LRPPRC: variants seen among roughly 807,000 people sequenced by gnomAD.
LRPPRC encodes leucine rich pentatricopeptide repeat containing.
In LRPPRC, 120 loss-of-function variants were observed where a neutral mutation model predicts 180.3. The observed-to-expected ratio is 0.67, with a 90% CI of 0.57 to 0.77. LRPPRC has a LOEUF of 0.77. LRPPRC is among the 30% of genes least tolerant of loss of function. LRPPRC has a pLI of 0.00. For missense variants in LRPPRC, 2,012 were observed against 1,657.2 expected, an observed-to-expected ratio of 1.21 and a Z score of -3.72; for synonymous variants, 723 against 600.0, an observed-to-expected ratio of 1.21 and a Z score of -3.00.
intron 33 of LRPPRC, 36 bp downstream of exon 33, chr2:43,899,430 T>C (rs1401144332): frequency 6.2e-7 from 1 of 1,613,668 alleles, no homozygotes; most frequent in Non-Finnish European, 8.5e-7. Context: ...AGAGAAAATG[T>C]GCTTGTGTGT....
chr2:43,993,252 T>C (rs1304720959), intron 1 of LRPPRC, among the ~76,000 whole-genome samples: 1 of 152,248 alleles, frequency 6.6e-6, no homozygotes, highest in Non-Finnish European at 1.5e-5. Flanking sequence ...CAGCTATCAA[T>C]GAATGGCTCT....
At chr2:43,931,132 T>G (rs1343282108) in intron 25 of LRPPRC, among the ~76,000 whole-genome samples, 1 of 152,196 alleles carries the variant, frequency 6.6e-6, no homozygotes, top group Admixed American at 6.5e-5. Context: ...AATTTAACTC[T>G]TAGCCCTTTG....
intron 23 of LRPPRC, among the ~76,000 whole-genome samples, chr2:43,941,588 T>C (rs1315368566): frequency 6.6e-6 from 1 of 152,110 alleles, no homozygotes; most frequent in Non-Finnish European, 1.5e-5. Flanking sequence ...CTTGTCATGA[T>C]TCTGAATTAA....
At chr2:43,939,532 TAAAA>T (rs1672400753) in intron 23 of LRPPRC, among the ~76,000 whole-genome samples, 1 of 152,112 alleles carries the variant, frequency 6.6e-6, no homozygotes, top group East Asian at 1.9e-4. Flanking sequence ...CTGAACTCCT[TAAAA>T]ACAAACTATC....
chr2:43,956,065 A>C (rs1292664861), intron 14 of LRPPRC, among the ~76,000 whole-genome samples: 1 of 150,756 alleles, frequency 6.6e-6, no homozygotes, highest in East Asian at 1.9e-4. Flanking sequence ...TCTGAGTCTC[A>C]TCATGGGAAA....
At chr2:43,980,704 T>G (rs113967132) in intron 2 of LRPPRC, among the ~76,000 whole-genome samples, 41 of 152,354 alleles carry the variant, frequency 2.7e-4, no homozygotes, top group African/African-American at 8.9e-4. Flanking sequence ...ATCTGTAAGC[T>G]TTATCTACAT....
chr2:43,912,449 T>C lies in LRPPRC; in HGVS notation c.3258A>G (p.Ala1086=), dbSNP rs1295315907. ...ACACTTACAATGCTTTCACTTCCATTGCTTGTGTAAAATAATCTTCTGACA... is the reference window on the plus strand; with the variant it reads ...ACACTTACAATGCTTTCACTTCCATCGCTTGTGTAAAATAATCTTCTGACA... ...LLMSEDYFTQ[A]MEVKAFAETH... is the part of the protein sequence containing the mutation. The change falls in exon 30 of 38, where the codon GCA becomes GCG. Residue 1086 remains alanine (A), a synonymous_variant. Transcript: ENST00000260665. The C allele has an allele frequency of 1.9e-6, 3 of 1,610,166 alleles. No individual in the cohort carries two copies. The highest frequency in any genetic ancestry group is 3.3e-4 in the Middle Eastern group (2 of 6,036).
intron 11 of LRPPRC, among the ~76,000 whole-genome samples, chr2:43,965,827 C>A (rs535237651): frequency 1.3e-5 from 2 of 152,176 alleles, no homozygotes; most frequent in East Asian, 3.8e-4. Context: ...TCACCTTACA[C>A]CTGTCAGAAT....
In LRPPRC at chr2:43,928,470, C is replaced by T. The variant is rs1270611238; in HGVS notation, c.2737-2509G>A. Among the ~76,000 whole-genome samples, 3 of 152,146 alleles carry T rather than the reference C, an allele frequency of 2.0e-5. No individual in the cohort carries two copies. In the East Asian group the frequency reaches 5.8e-4, roughly 29 times the overall value. ...TTTCACCTGTTCTGATTTTTCTTGC[C>T]ACTTCTGCTGGAGATGTCAAATGAA... On this transcript the variant is annotated intron_variant, in intron 25 of 37. Coordinates refer to ENST00000260665, the MANE Select transcript of LRPPRC (RefSeq NM_133259.4).
intron 36 of LRPPRC, chr2:43,890,103 T>A: frequency 3.4e-6 from 2 of 579,776 alleles, no homozygotes; most frequent in South Asian, 4.1e-5. Context: ...CAAATATGGC[T>A]ACATTTAAAG....
At chr2:43,931,491 C>T (rs909345631) in intron 25 of LRPPRC, among the ~76,000 whole-genome samples, 3 of 152,162 alleles carry the variant, frequency 2.0e-5, no homozygotes, top group African/African-American at 7.2e-5. Flanking sequence ...AAGGGAGGAA[C>T]CTCTTTGCTG....
In LRPPRC at chr2:43,950,576, G is replaced by T. The variant is rs376787135; in HGVS notation, c.1674C>A (p.Ser558Arg). 3.1e-6 allele frequency: 5 copies of T among 1,612,994 alleles called. No homozygotes were observed. The highest frequency in any genetic ancestry group is 4.2e-6 in the Non-Finnish European group (5 of 1,179,284). The stretch of plus-strand genomic sequence containing the variant: ...TTGCAATATTAGAGGGACTTACCTC[G>T]CTCCAAAGATTTATATTCATAGACC... The part of the protein sequence containing the change: ...FRRSMNINLW[S>R]EITELLYKDG... Residue 558 changes from serine (S) to arginine (R), a missense_variant, in exon 15 of 38, where the codon AGC (serine) becomes AGA (arginine). Transcript: ENST00000260665.
chr2:43,969,228 C>T (rs561045337), intron 11 of LRPPRC, among the ~76,000 whole-genome samples: 52 of 152,102 alleles, frequency 3.4e-4, no homozygotes, highest in Non-Finnish European at 5.3e-4. Context: ...CTGGCTAACA[C>T]GGTGAAACCC....
intron 34 of LRPPRC, among the ~76,000 whole-genome samples, chr2:43,896,999 A>C (rs1183492268): frequency 6.6e-6 from 1 of 152,232 alleles, no homozygotes. Context: ...TTAGGACTGC[A>C]AAGAAAGAGG....
Position 43,974,701 on chromosome 2 carries a change from T to G in LRPPRC, c.922A>C (p.Ile308Leu). ...LHLMDRDLLQ[I>L]IFSFSKAGYP... ...CCAGCTTTACTGAAGCTAAAAATAA[T>G]TTGCAGTAAATCACGGTCCATAAGG... The change falls in exon 8 of 38, where the codon ATT (isoleucine) becomes CTT (leucine). Residue 308 changes from isoleucine (I) to leucine (L), a missense_variant. Physicochemically the swap from Ile to Leu is conservative, Grantham distance 5 (BLOSUM62 2). Coordinates refer to ENST00000260665, the MANE Select transcript of LRPPRC (RefSeq NM_133259.4). 6.2e-7 allele frequency: 1 copy of G among 1,613,342 alleles called. No homozygotes were observed. The highest frequency in any genetic ancestry group is 8.5e-7 in the Non-Finnish European group (1 of 1,179,344).
intron 27 of LRPPRC, among the ~76,000 whole-genome samples, chr2:43,922,059 T>A (rs920732367): frequency 2.0e-5 from 3 of 152,200 alleles, no homozygotes; most frequent in Admixed American, 2.0e-4. Context: ...AGTGAGGAAG[T>A]CATTTCATTC....
intron 11 of LRPPRC, among the ~76,000 whole-genome samples, chr2:43,964,622 G>C (rs549253356): frequency 1.3e-5 from 2 of 151,826 alleles, no homozygotes; most frequent in Admixed American, 1.3e-4. Flanking sequence ...TTCCTACTGA[G>C]TACAGAAAAA....
At chr2:43,893,018 AG>A in intron 36 of LRPPRC, among the ~76,000 whole-genome samples, 1 of 152,304 alleles carries the variant, frequency 6.6e-6, no homozygotes, top group Non-Finnish European at 1.5e-5. Flanking sequence ...GAACCCCTTG[AG>A]GGTCTCAAGA....
chr2:43,974,151 G>A lies in LRPPRC; in HGVS notation c.1154C>T (p.Thr385Met), dbSNP rs182612310. The A allele has an allele frequency of 1.5e-5, 25 of 1,612,956 alleles. No homozygotes were observed. Among genetic ancestry groups the A allele is most frequent in the African/African-American group, 5.3e-5 (4 of 75,004 alleles). ...ACAAAGTAAAAGTGGACAGAATACC[G>A]TATTCATAGTCACACAGTGTTGTAA... ...FFLQHCVTMN[T>M]PVEKLTDYCK... Residue 385 changes from threonine (T) to methionine (M), a missense_variant and splice_region_variant, in exon 9 of 38, where the codon ACG becomes ATG. Coordinates refer to ENST00000260665, the MANE Select transcript of LRPPRC (RefSeq NM_133259.4).
Sources: gnomAD v4.1 joint callset for allele counts (sites outside exome capture counted in the v4.1 genomes callset) on GRCh38, gnomAD v4.1.1 for gene constraint, MANE v1.5 for transcripts, NCBI Gene and HGNC (gene_info 2026-07-23, HGNC 2026-07-21) for gene names.